Variants in SH3RF1 observed in about 807,000 individuals in gnomAD.
SH3RF1 encodes SH3 domain containing ring finger 1, also known as E3 ubiquitin-protein ligase SH3RF1.
A neutral mutation model predicts 74.0 loss-of-function variants in SH3RF1; 32 were observed. The observed-to-expected ratio is 0.43, with a 90% CI of 0.33 to 0.58. The LOEUF (loss-of-function observed/expected upper bound fraction) is 0.58. SH3RF1 is among the 20% of genes least tolerant of loss of function. The pLI is 0.05. For synonymous variants in SH3RF1, 396 were observed against 439.6 expected (o/e 0.90, Z 1.24); for missense variants, 954 against 1,130.9 (o/e 0.84, Z 2.24).
chr4:169,240,481 G>A (rs1416416000), intron 2 of SH3RF1, among the ~76,000 whole-genome samples: 1 of 152,090 alleles, frequency 6.6e-6, no homozygotes, highest in African/African-American at 2.4e-5. Context: ...TACAGAGCGT[G>A]AGCCCTTGCA....
intron 2 of SH3RF1, among the ~76,000 whole-genome samples, chr4:169,212,057 C>CTTTTTTTTTTTTTTTTTTT (rs34108534): frequency 4.1e-5 from 2 of 48,266 alleles, no homozygotes; most frequent in Admixed American, 2.9e-4. Flanking sequence ...CTTTTCTTTT[C>CTTTTTTTTTTTTTTTTTTT]TTTTTTTTTT....
At chr4:169,153,000 C>A (rs1733998276) in intron 4 of SH3RF1, among the ~76,000 whole-genome samples, 1 of 152,118 alleles carries the variant, frequency 6.6e-6, no homozygotes, top group African/African-American at 2.4e-5. Context: ...AACCTCTGAC[C>A]CAGAGATTCT....
At chr4:169,148,998 C>T (rs1485307849) in intron 4 of SH3RF1, among the ~76,000 whole-genome samples, 1 of 152,084 alleles carries the variant, frequency 6.6e-6, no homozygotes, top group South Asian at 2.1e-4. Flanking sequence ...CCTTAGATAC[C>T]ATTTGGTGAT....
At chr4:169,238,973 C>G (rs201941357) in intron 2 of SH3RF1, among the ~76,000 whole-genome samples, 77 of 137,294 alleles carry the variant, frequency 5.6e-4, no homozygotes, top group Admixed American at 1.6e-3. Context: ...CGCCCCCCCC[C>G]ACCCCTTGCC....
At chr4:169,198,669 G>C (rs540104432) in intron 2 of SH3RF1, among the ~76,000 whole-genome samples, 3 of 151,856 alleles carry the variant, frequency 2.0e-5, no homozygotes, top group East Asian at 1.9e-4. Flanking sequence ...TAAGCAAAAC[G>C]ATTACTAAAG....
Position 169,141,843 on chromosome 4 carries a change from C to T in SH3RF1, c.766-5223G>A, listed in dbSNP as rs191812982. ...TTTTTTTTTTTTTGAGATGGAGTCT[C>T]GCTCTGTTGCCCAGGCTGGAGTGCA... On this transcript the variant is annotated intron_variant, in intron 4 of 11. Coordinates refer to ENST00000284637, the MANE Select transcript of SH3RF1 (RefSeq NM_020870.4). Among the ~76,000 whole-genome samples, 277 of 145,770 alleles carry T rather than the reference C, an allele frequency of 1.9e-3. 5 individuals carry two copies. The East Asian group carries it at 0.024, about 12-fold the overall frequency.
intron 2 of SH3RF1, among the ~76,000 whole-genome samples, chr4:169,157,677 C>T (rs1734082162): frequency 6.6e-6 from 1 of 152,114 alleles, no homozygotes; most frequent in Admixed American, 6.6e-5. Context: ...TACAGGGCTC[C>T]TGCTTTTGGA....
At chr4:169,109,653 T>C (rs1733207659) in intron 10 of SH3RF1, among the ~76,000 whole-genome samples, 1 of 152,148 alleles carries the variant, frequency 6.6e-6, no homozygotes, top group Non-Finnish European at 1.5e-5. Context: ...ACACTTAGCA[T>C]CTATGAGCAC....
intron 4 of SH3RF1, among the ~76,000 whole-genome samples, chr4:169,146,810 C>T (rs1196707179): frequency 6.6e-6 from 1 of 152,146 alleles, no homozygotes; most frequent in East Asian, 1.9e-4. Context: ...AAAAGCTGAT[C>T]ATTTTCCTAT....
intron 2 of SH3RF1, among the ~76,000 whole-genome samples, chr4:169,230,564 T>C (rs910005591): frequency 3.3e-5 from 5 of 152,132 alleles, no homozygotes; most frequent in Admixed American, 3.3e-4. Context: ...ATTATTCAAA[T>C]ATCACTGATT....
chr4:169,107,675 A>G (rs1733169071), intron 10 of SH3RF1, among the ~76,000 whole-genome samples: 2 of 152,238 alleles, frequency 1.3e-5, no homozygotes, highest in South Asian at 2.1e-4. Flanking sequence ...ACTGTAAGAG[A>G]GCTGACTATG....
intron 2 of SH3RF1, among the ~76,000 whole-genome samples, chr4:169,161,460 C>G (rs776476932): frequency 6.6e-6 from 1 of 152,092 alleles, no homozygotes. Flanking sequence ...ATTTCCATAC[C>G]ATCAGCGGTA....
At chr4:169,154,299 T>C (rs561618622) in intron 4 of SH3RF1, among the ~76,000 whole-genome samples, 1 of 152,326 alleles carries the variant, frequency 6.6e-6, no homozygotes, top group South Asian at 2.1e-4. Flanking sequence ...TGAATTACTT[T>C]CCCATGGATA....
chr4:169,174,268 C>A (rs761062243), intron 2 of SH3RF1, among the ~76,000 whole-genome samples: 6 of 152,126 alleles, frequency 3.9e-5, no homozygotes, highest in African/African-American at 7.2e-5. Context: ...CTCTATGTTG[C>A]CTAGGCTGCT....
At chr4:169,181,231 T>G (rs1395875589) in intron 2 of SH3RF1, among the ~76,000 whole-genome samples, 1 of 151,900 alleles carries the variant, frequency 6.6e-6, no homozygotes, top group Non-Finnish European at 1.5e-5. Context: ...CAAAATTCTT[T>G]TAGCCAACAC....
intron 2 of SH3RF1, among the ~76,000 whole-genome samples, chr4:169,234,391 T>C (rs1730795130): frequency 6.6e-6 from 1 of 152,066 alleles, no homozygotes; most frequent in Non-Finnish European, 1.5e-5. Context: ...TAGAATATGA[T>C]CTCAGACGAA....
intron 2 of SH3RF1, among the ~76,000 whole-genome samples, chr4:169,186,564 A>G (rs1579126208): frequency 2.6e-5 from 4 of 151,954 alleles, no homozygotes; most frequent in East Asian, 2.0e-4. Flanking sequence ...GTTTTAGAAA[A>G]TACCAATGTT....
chr4:169,234,134 C>T (rs1419266689), intron 2 of SH3RF1, among the ~76,000 whole-genome samples: 1 of 152,070 alleles, frequency 6.6e-6, no homozygotes, highest in Non-Finnish European at 1.5e-5. Context: ...CAGTGGATCT[C>T]CACTGGGGGC....
At chr4:169,232,325 C>T (rs1388926265) in intron 2 of SH3RF1, among the ~76,000 whole-genome samples, 1 of 152,210 alleles carries the variant, frequency 6.6e-6, no homozygotes, top group Non-Finnish European at 1.5e-5. Context: ...AAACTAGAAA[C>T]AGGTAGACCA....
Sources: allele counts gnomAD v4.1 joint callset (sites outside exome capture counted in the v4.1 genomes callset), GRCh38; gene constraint gnomAD v4.1.1; transcripts MANE v1.5; gene names NCBI Gene and HGNC (gene_info 2026-07-23, HGNC 2026-07-21).